HIP1: variants seen among roughly 807,000 people sequenced by gnomAD.
HIP1 encodes the protein huntingtin interacting protein 1.
HIP1 carries 65 observed loss-of-function variants against 147.6 expected under a neutral mutation model. That is an observed-to-expected ratio of 0.44 (90% CI 0.36 to 0.54). The LOEUF (loss-of-function observed/expected upper bound fraction) is 0.54, where lower values mean the gene tolerates loss of function less well. HIP1 is among the 20% of genes least tolerant of loss of function. The pLI is 0.00. For synonymous variants in HIP1, 479 were observed against 504.0 expected, an observed-to-expected ratio of 0.95 and a Z score of 0.67; for missense variants, 1,061 against 1,299.6, an observed-to-expected ratio of 0.82 and a Z score of 2.82.
intron 7 of HIP1, among the ~76,000 whole-genome samples, chr7:75,577,987 G>C (rs868971011): frequency 1.3e-5 from 2 of 152,116 alleles, no homozygotes; most frequent in East Asian, 3.9e-4. Flanking sequence ...GCAACAGAGC[G>C]AGACTCTCTC....
intron 1 of HIP1, among the ~76,000 whole-genome samples, chr7:75,622,812 C>T (rs1797888449): frequency 6.6e-6 from 1 of 151,990 alleles, no homozygotes; most frequent in African/African-American, 2.4e-5. Context: ...TACTGCACTC[C>T]AGCCTGGGCA....
rs1797198554 is a variant in HIP1 at position 75,605,697 on chromosome 7, G to A, written c.121-6450C>T. Among the ~76,000 whole-genome samples the A allele has an allele frequency of 3.9e-5, 6 of 152,206 alleles. No homozygotes were observed. The South Asian group carries it at 1.2e-3, about 32-fold the overall frequency. Reference sequence around the variant, plus strand: ...ATAATAGTTGCACATTACCACGCCTGGCTAATTTTTGTATTTTTAGTAGAG... The same window carrying A: ...ATAATAGTTGCACATTACCACGCCTAGCTAATTTTTGTATTTTTAGTAGAG... On this transcript the variant is annotated intron_variant, in intron 1 of 30. Transcript: ENST00000336926.
At chr7:75,711,712 G>A (rs782024781) in intron 1 of HIP1, among the ~76,000 whole-genome samples, 1 of 152,202 alleles carries the variant, frequency 6.6e-6, no homozygotes, top group Non-Finnish European at 1.5e-5. Flanking sequence ...GGCATGAGTG[G>A]AATTTCAGTC....
Position 75,533,400 on chromosome 7 carries a change from C to T in HIP1, c.*4772G>A. The T allele has an allele frequency of 4.3e-6, 1 of 230,180 alleles. No individual in the cohort carries two copies. The allele number at this position is 230,180 out of a possible 1,614,324, so 14.3% of individuals were successfully genotyped here. A position where few individuals can be genotyped will look rare whatever the true frequency, so the allele number is the denominator to read the frequency against. ...TAATAAAAGTATTGTTGGAGGGAAA[C>T]AGAAGCCAGTGGCCACCTGCCCTGG... On this transcript the variant is annotated 3_prime_UTR_variant, in exon 31 of 31. Transcript: ENST00000336926.
intron 1 of HIP1, among the ~76,000 whole-genome samples, chr7:75,629,838 G>A (rs1044045678): frequency 3.3e-5 from 5 of 152,120 alleles, no homozygotes; most frequent in Non-Finnish European, 7.4e-5. Flanking sequence ...CACTGCGCCC[G>A]GCCTGCTCCC....
At chr7:75,680,507 T>C (rs1218067896) in intron 1 of HIP1, among the ~76,000 whole-genome samples, 2 of 152,336 alleles carry the variant, frequency 1.3e-5, no homozygotes, top group East Asian at 3.9e-4. Context: ...GGGTTGCCAC[T>C]ATATGCCAGA....
intron 1 of HIP1, chr7:75,654,669 C>T (rs1309400329): frequency 1.3e-5 from 2 of 152,258 alleles, no homozygotes; most frequent in Non-Finnish European, 2.9e-5. Flanking sequence ...TCTCTTTCCT[C>T]CTCCTCCGAG....
At position 75,533,902 on chromosome 7, in the gene HIP1, T is replaced by C. The variant is rs1401967703; in HGVS notation, c.*4270A>G. ...TCTATGCTACAGGTGGTGCAGTCTCTGGAGGACAAGGATGGCAGAGAGAGG... is the reference window on the plus strand; with the variant it reads ...TCTATGCTACAGGTGGTGCAGTCTCCGGAGGACAAGGATGGCAGAGAGAGG... On this transcript the variant is annotated 3_prime_UTR_variant, in exon 31 of 31. Transcript: ENST00000336926. The C allele has an allele frequency of 3.8e-5, 9 of 233,950 alleles. No homozygotes were observed. Among genetic ancestry groups the C allele is most frequent in the Middle Eastern group, 1.2e-3 (1 of 812 alleles). 14.5% of individuals were successfully genotyped at this position (233,950 alleles called of 1,614,324 possible).
At chr7:75,553,876 C>T (rs926861114) in intron 21 of HIP1, among the ~76,000 whole-genome samples, 35 of 151,998 alleles carry the variant, frequency 2.3e-4, no homozygotes, top group African/African-American at 3.4e-4. Flanking sequence ...AGTGTTACGG[C>T]GATTACAGGC....
At position 75,568,807 on chromosome 7, in the gene HIP1, G is replaced by A. The variant is rs187197471; in HGVS notation, c.746-551C>T. 1.2e-3 allele frequency among the ~76,000 whole-genome samples: 176 copies of A among 152,296 alleles called. 1 individual carries two copies. Among genetic ancestry groups the A allele is most frequent in the South Asian group, 3.9e-3 (19 of 4,822 alleles). On this transcript the variant is annotated intron_variant, in intron 8 of 30. Transcript: ENST00000336926. This position sits in a 1 kb window ranked among gnomAD's most constrained non-coding sequence, Gnocchi z 4.1. Reference sequence around the variant, plus strand: ...GAGAATCACTTGAGGTCAGGAGTTCGAGACCAGCCTGACCAATATGGTGAA... The same window carrying A: ...GAGAATCACTTGAGGTCAGGAGTTCAAGACCAGCCTGACCAATATGGTGAA...
At chr7:75,684,952 G>A (rs1185702633) in intron 1 of HIP1, among the ~76,000 whole-genome samples, 2 of 151,962 alleles carry the variant, frequency 1.3e-5, no homozygotes, top group Non-Finnish European at 2.9e-5. Context: ...TTAGCCAGGC[G>A]TGGTGGTGGG....
At chr7:75,647,568 G>C (rs1483514959) in intron 1 of HIP1, among the ~76,000 whole-genome samples, 2 of 152,202 alleles carry the variant, frequency 1.3e-5, no homozygotes, top group Non-Finnish European at 2.9e-5. Context: ...TTCAGAGGAA[G>C]GGACACATGA....
intron 1 of HIP1, among the ~76,000 whole-genome samples, chr7:75,678,559 G>A (rs1288417361): frequency 6.6e-6 from 1 of 152,094 alleles, no homozygotes; most frequent in Non-Finnish European, 1.5e-5. Flanking sequence ...GGCCAGGCAG[G>A]TCTTAAACTC....
At chr7:75,595,286 T>TCC (rs1563230593) in intron 2 of HIP1, among the ~76,000 whole-genome samples, 26 of 141,410 alleles carry the variant, frequency 1.8e-4, no homozygotes, top group Admixed American at 2.8e-4. Flanking sequence ...CTTCCTTCCT[T>TCC]TCTTTCTTTC....
At chr7:75,608,361 T>C (rs889726276) in intron 1 of HIP1, among the ~76,000 whole-genome samples, 7 of 152,106 alleles carry the variant, frequency 4.6e-5, no homozygotes, top group African/African-American at 1.7e-4. Context: ...AACTTAATAA[T>C]AGCAAGATTT....
intron 1 of HIP1, among the ~76,000 whole-genome samples, chr7:75,730,247 A>T (rs1801794231): frequency 6.6e-6 from 1 of 152,186 alleles, no homozygotes; most frequent in African/African-American, 2.4e-5. Context: ...ATAAGGAGGA[A>T]GAGAGCAGAG....
chr7:75,594,261 C>A (rs938151766), intron 2 of HIP1, among the ~76,000 whole-genome samples: 2 of 151,944 alleles, frequency 1.3e-5, no homozygotes, highest in Admixed American at 6.6e-5. Flanking sequence ...GCCTGGGCAA[C>A]GAGCAAAACT....
intron 1 of HIP1, among the ~76,000 whole-genome samples, chr7:75,660,637 G>A (rs1554513466): frequency 6.6e-6 from 1 of 152,198 alleles, no homozygotes; most frequent in African/African-American, 2.4e-5. Flanking sequence ...CCGGTAGACA[G>A]GATCAGCAAA....
intron 1 of HIP1, among the ~76,000 whole-genome samples, chr7:75,612,319 G>T (rs782378732): frequency 1.3e-5 from 2 of 152,182 alleles, no homozygotes; most frequent in Non-Finnish European, 2.9e-5. Flanking sequence ...AGACCAGCCT[G>T]GCCGACATGG....
Sources: gnomAD v4.1 joint callset for allele counts (sites outside exome capture counted in the v4.1 genomes callset) on GRCh38, gnomAD v4.1.1 for gene constraint, Gnocchi (gnomAD v3.1) non-coding constraint, MANE v1.5 for transcripts, NCBI Gene and HGNC (gene_info 2026-07-23, HGNC 2026-07-21) for gene names.